Variants in ZNF207 observed in about 807,000 individuals in gnomAD.
ZNF207 encodes zinc finger protein 207.
ZNF207 carries 24 observed loss-of-function variants against 60.2 expected under a neutral mutation model. That is an observed-to-expected ratio of 0.40 (90% CI 0.29 to 0.56). The LOEUF (loss-of-function observed/expected upper bound fraction) is 0.56. ZNF207 is among the 20% of genes least tolerant of loss of function. The pLI is 0.49. For missense variants in ZNF207, 452 were observed against 636.6 expected (o/e 0.71, Z 3.12); for synonymous variants, 236 against 194.7 (o/e 1.21, Z -1.77).
At chr17:32,367,253 A>ATGTATATG (rs1567824756) in intron 9 of ZNF207, among the ~76,000 whole-genome samples, 9 of 91,478 alleles carry the variant, frequency 9.8e-5, no homozygotes, top group Non-Finnish European at 1.8e-4. Context: ...ATATATATAT[A>ATGTATATG]TATATATATA....
At chr17:32,367,214 C>A (rs1905202716) in intron 9 of ZNF207, among the ~76,000 whole-genome samples, 1 of 115,878 alleles carries the variant, frequency 8.6e-6, no homozygotes, top group Non-Finnish European at 1.7e-5. Flanking sequence ...TGATAATTAT[C>A]CAGCCATTGT....
At chr17:32,355,055 G>T (rs1386030067) in intron 2 of ZNF207, among the ~76,000 whole-genome samples, 1 of 152,162 alleles carries the variant, frequency 6.6e-6, no homozygotes, top group African/African-American at 2.4e-5. Context: ...GTTAGATATG[G>T]GGTATAAGAA....
At position 32,378,802 on chromosome 17, in the gene ZNF207, A is replaced by G. The variant is rs1464180814; in HGVS notation, c.*9043A>G. Reference sequence around the variant, plus strand: ...TTTAGGTTGATAACAAATGTAAAGCACTGAGGAGGGAGGAATAAAGCATAC... The same window carrying G: ...TTTAGGTTGATAACAAATGTAAAGCGCTGAGGAGGGAGGAATAAAGCATAC... On this transcript the variant is annotated 3_prime_UTR_variant, in exon 12 of 12. Coordinates refer to ENST00000394670, the MANE Select transcript of ZNF207 (RefSeq NM_001098507.2). The G allele has an allele frequency of 6.6e-6, 1 of 152,200 alleles. No individual in the cohort carries two copies. Among genetic ancestry groups the G allele is most frequent in the East Asian group, 1.9e-4 (1 of 5,192 alleles). 9.4% of individuals were successfully genotyped at this position (152,200 alleles called of 1,614,324 possible). A position where few individuals can be genotyped will look rare whatever the true frequency, so the allele number is the denominator to read the frequency against.
At chr17:32,350,608 GAC>G (rs2041484315) in intron 1 of ZNF207, among the ~76,000 whole-genome samples, 1 of 152,146 alleles carries the variant, frequency 6.6e-6, no homozygotes, top group Non-Finnish European at 1.5e-5. Flanking sequence ...CTCCGCCAGG[GAC>G]AGTGTCCCCT....
At position 32,362,827 on chromosome 17, in the gene ZNF207, GTGT is replaced by G. The variant is rs1169562903; in HGVS notation, c.600-82_600-80del. ...AGGTCAGATTCAAGTCTTCTATCTAGTGTTGTTTCAGGCTTTAGCCAGAATATT... is the reference window on the plus strand; with the variant it reads ...AGGTCAGATTCAAGTCTTCTATCTAGTGTTTCAGGCTTTAGCCAGAATATT... On this transcript the variant is annotated intron_variant, in intron 6 of 11. Transcript: ENST00000394670. The G allele has an allele frequency of 3.8e-5, 42 of 1,098,692 alleles. No individual in the cohort carries two copies. In the African/African-American group the frequency reaches 4.1e-4, roughly 11 times the overall value. The allele number at this position is 1,098,692 out of a possible 1,614,324, so 68.1% of individuals were successfully genotyped here.
rs546904735 is a variant in ZNF207, at chr17:32,379,757, A to G, written c.*9998A>G. On this transcript the variant is annotated 3_prime_UTR_variant, in exon 12 of 12. Transcript: ENST00000394670. ...ATTATTTAAGCCACTCTAACCCTGC[A>G]TGAAAAATTGGAGTTAGAAATACTG... 6.6e-6 allele frequency: 1 copy of G among 152,334 alleles called. No homozygotes were observed. Among genetic ancestry groups the G allele is most frequent in the Admixed American group, 6.5e-5 (1 of 15,304 alleles). 9.4% of individuals were successfully genotyped at this position (152,334 alleles called of 1,614,324 possible). A position where few individuals can be genotyped will look rare whatever the true frequency, so the allele number is the denominator to read the frequency against.
chr17:32,351,536 A>C (rs879866283), intron 1 of ZNF207: 20 of 1,521,050 alleles, frequency 1.3e-5, no homozygotes, highest in Non-Finnish European at 1.6e-5. Context: ...CAGGAATTTG[A>C]CAAAGTATAT....
chr17:32,359,949 A>T (rs1202977851), intron 3 of ZNF207, among the ~76,000 whole-genome samples: 4 of 152,158 alleles, frequency 2.6e-5, no homozygotes, highest in Non-Finnish European at 5.9e-5. Context: ...TGATAGATTT[A>T]TTTGGAATTT....
intron 2 of ZNF207, among the ~76,000 whole-genome samples, chr17:32,354,335 G>T (rs9901737): frequency 1.3e-5 from 2 of 151,212 alleles, no homozygotes; most frequent in African/African-American, 4.8e-5. Flanking sequence ...TGCTCTGTCA[G>T]TTTTTTTTTT....
At chr17:32,363,101 C>G (rs1365869890) in intron 7 of ZNF207, 117 bp downstream of exon 7, 2 of 850,010 alleles carry the variant, frequency 2.4e-6, no homozygotes, top group Non-Finnish European at 3.6e-6. Flanking sequence ...TTGCAAGTTC[C>G]TGTGAGAAGT....
intron 2 of ZNF207, 124 bp downstream of exon 2, chr17:32,352,036 C>T (rs1285368647): frequency 4.6e-6 from 4 of 877,564 alleles, no homozygotes; most frequent in South Asian, 2.2e-5. Flanking sequence ...GGTGCAATCT[C>T]GGCCCACTGC....
intron 2 of ZNF207, among the ~76,000 whole-genome samples, chr17:32,355,117 C>T (rs1222259126): frequency 6.6e-6 from 1 of 152,166 alleles, no homozygotes; most frequent in African/African-American, 2.4e-5. Context: ...GATGGTCTGG[C>T]TAGGTGCGGT....
intron 9 of ZNF207, 27 bp from the exon 10 acceptor site, chr17:32,367,745 T>C: frequency 1.2e-6 from 2 of 1,608,558 alleles, no homozygotes; most frequent in Non-Finnish European, 8.5e-7. Flanking sequence ...TTTTGAAGTT[T>C]CGTTGATGAA....
At chr17:32,364,466 T>G (rs1181357450) in intron 7 of ZNF207, among the ~76,000 whole-genome samples, 2 of 151,874 alleles carry the variant, frequency 1.3e-5, no homozygotes, top group African/African-American at 4.8e-5. Context: ...CAAGCGATTT[T>G]CTCCTGCCTC....
At chr17:32,361,029 G>A (rs1904852367) in intron 5 of ZNF207, 62 bp downstream of exon 5, 1 of 1,527,198 alleles carries the variant, frequency 6.5e-7, no homozygotes, top group Admixed American at 1.8e-5. Flanking sequence ...TTTCAATTTG[G>A]ATGTTATATG....
Position 32,362,899 on chromosome 17 carries a change from T to C in ZNF207, c.600-15T>C. 1.2e-6 allele frequency: 2 copies of C among 1,612,198 alleles called. No homozygotes were observed. Among genetic ancestry groups the C allele is most frequent in the Non-Finnish European group, 1.7e-6 (2 of 1,179,286 alleles). ...TTCATTAACTTACTGTTTCTTGAAA[T>C]TTGCTTTCTAATAGAATGATGCCAA... On this transcript the variant is annotated splice_polypyrimidine_tract_variant and intron_variant, in intron 6 of 11. Coordinates refer to ENST00000394670, the MANE Select transcript of ZNF207 (RefSeq NM_001098507.2).
At position 32,369,297 on chromosome 17, in the gene ZNF207, A is replaced by G. The variant is rs1308465989; in HGVS notation, c.1167A>G (p.Glu389=). The change falls in exon 11 of 12, where the codon GAA becomes GAG. Residue 389 remains glutamate (E), a splice_region_variant and synonymous_variant. Transcript: ENST00000394670. The part of the protein sequence containing the change: ...LIHPDEDISL[E]ERRAQLPKYQ... ...CCTGCGCTTATTTTTATTCCCAGGA[A>G]GAGAGAAGGGCACAGTTACCTAAGT... The G allele has an allele frequency of 5.6e-6, 9 of 1,613,788 alleles. No homozygotes were observed. Among genetic ancestry groups the G allele is most frequent in the Middle Eastern group, 1.7e-4 (1 of 5,998 alleles).
Position 32,365,347 on chromosome 17 carries a change from C to G in ZNF207, c.688C>G (p.Pro230Ala), listed in dbSNP as rs1905111160. Reference protein sequence around the residue: ...GMPPGMPPPVPRPGIPPMTQA... With the variant: ...GMPPGMPPPVARPGIPPMTQA... ...CTCTGCAGGTATGCCCCCACCTGTT[C>G]CACGTCCTGGAATTCCTCCAATGAC... Residue 230 changes from proline (P) to alanine (A), a missense_variant, in exon 8 of 12, where the codon CCA becomes GCA. Physicochemically the swap from Pro to Ala is conservative, Grantham distance 27. Transcript: ENST00000394670. 5.0e-6 allele frequency: 8 copies of G among 1,613,918 alleles called. No individual in the cohort carries two copies. Among genetic ancestry groups the G allele is most frequent in the Admixed American group, 1.7e-5 (1 of 59,998 alleles).
chr17:32,352,007 G>T, intron 2 of ZNF207, 95 bp downstream of exon 2: 1 of 1,300,396 alleles, frequency 7.7e-7, no homozygotes, highest in South Asian at 1.6e-5. Flanking sequence ...CGGTCTTGTC[G>T]CCCAAGCTGG....
Sources: gnomAD v4.1 joint callset for allele counts (sites outside exome capture counted in the v4.1 genomes callset) on GRCh38, gnomAD v4.1.1 for gene constraint, MANE v1.5 for transcripts, NCBI Gene and HGNC (gene_info 2026-07-23, HGNC 2026-07-21) for gene names.